Variants in MAPK14 observed in about 807,000 individuals in gnomAD.
MAPK14 encodes mitogen-activated protein kinase 14.
A neutral mutation model predicts 49.6 loss-of-function variants in MAPK14; 16 were observed. That is an observed-to-expected ratio of 0.32 (90% CI 0.22 to 0.49). MAPK14 has a LOEUF of 0.49. Among genes scored for constraint, MAPK14 ranks in the 20% least tolerant of loss-of-function variants. The probability of loss-of-function intolerance (pLI) is 0.99; values close to 1 mark genes in which losing one functional copy is unlikely to be tolerated. For missense variants in MAPK14, 200 were observed against 441.2 expected, an observed-to-expected ratio of 0.45 and a Z score of 4.90; for synonymous variants, 142 against 158.0, an observed-to-expected ratio of 0.90 and a Z score of 0.76.
At chr6:36,080,216 C>T (rs1462974911) in intron 8 of MAPK14, among the ~76,000 whole-genome samples, 4 of 152,130 alleles carry the variant, frequency 2.6e-5, no homozygotes, top group Admixed American at 6.5e-5. Context: ...AGATTACAGG[C>T]GCGAGCCACT....
In MAPK14 at chr6:36,107,798, C is replaced by T. The variant is rs924154650; in HGVS notation, c.1015+170C>T. ...TTGTAGACAGTGATACTCTCTGGAC[C>T]TTTGAGATACTTATGTCTGGTCTGA... On this transcript the variant is annotated intron_variant, in intron 11 of 11. Coordinates refer to ENST00000229794, the MANE Select transcript of MAPK14 (RefSeq NM_139012.3). The surrounding 1 kb of genome is among the most constrained non-coding windows in gnomAD (Gnocchi z 4.3). Among the ~76,000 whole-genome samples the T allele has an allele frequency of 2.6e-5, 4 of 152,202 alleles. No homozygotes were observed. Among genetic ancestry groups the T allele is most frequent in the Non-Finnish European group, 5.9e-5 (4 of 68,042 alleles).
At chr6:36,099,647 C>T (rs1765564664) in intron 9 of MAPK14, among the ~76,000 whole-genome samples, 1 of 152,164 alleles carries the variant, frequency 6.6e-6, no homozygotes, top group Non-Finnish European at 1.5e-5. Context: ...TTTAAATGTA[C>T]CACTAACTAA....
intron 4 of MAPK14, 143 bp from the exon 5 acceptor site, chr6:36,073,548 A>G (rs960884277): frequency 1.2e-5 from 8 of 655,186 alleles, no homozygotes; most frequent in Admixed American, 2.9e-5. Flanking sequence ...AATGTACACA[A>G]TACTGATAGT....
intron 1 of MAPK14, among the ~76,000 whole-genome samples, chr6:36,047,756 A>G: frequency 7.1e-6 from 1 of 140,288 alleles, no homozygotes; most frequent in Non-Finnish European, 1.5e-5. Flanking sequence ...TTTTTTTGAG[A>G]TGAAGTTTTG....
chr6:36,045,727 T>A (rs377343393), intron 1 of MAPK14, among the ~76,000 whole-genome samples: 270 of 144,334 alleles, frequency 1.9e-3, no homozygotes, highest in African/African-American at 6.7e-3. Context: ...GAGAATGGCG[T>A]GAACCCGGGA....
chr6:36,103,482 G>T (rs1278732435), intron 10 of MAPK14, among the ~76,000 whole-genome samples: 2 of 152,088 alleles, frequency 1.3e-5, no homozygotes, highest in Non-Finnish European at 2.9e-5. Flanking sequence ...TAGGACTACA[G>T]GCATGCATCC....
At chr6:36,093,995 G>T (rs1485337758) in intron 8 of MAPK14, among the ~76,000 whole-genome samples, 2 of 152,132 alleles carry the variant, frequency 1.3e-5, no homozygotes, top group Non-Finnish European at 2.9e-5. Flanking sequence ...AGATGAGCAA[G>T]AATTTTTTTT....
At position 36,072,923 on chromosome 6, in the gene MAPK14, G is replaced by A. The variant is rs373974101; in HGVS notation, c.356G>A (p.Cys119Tyr). 1.2e-6 allele frequency: 2 copies of A among 1,613,530 alleles called. No homozygotes were observed. The highest frequency in any genetic ancestry group is 2.7e-5 in the African/African-American group (2 of 74,900). Residue 119 changes from cysteine (C) to tyrosine (Y), a missense_variant, in exon 4 of 12, where the codon TGT becomes TAT. By Grantham distance (194) the Cys-to-Tyr change is radical. Around this residue, in one of 2 missense-constraint regions of MAPK14, gnomAD observed 170 missense variants for 407.0 expected, o/e 0.42. Transcript: ENST00000229794. Reference protein sequence around the residue: ...MGADLNNIVKCQKLTDDHVQF... With the variant: ...MGADLNNIVKYQKLTDDHVQF... ...GCAGATCTGAACAACATTGTGAAAT[G>A]TCAGAAGCTTACAGATGACCATGTT... is the stretch of plus-strand genomic sequence containing the variant.
chr6:36,038,546 T>C (rs1027294000), intron 1 of MAPK14, among the ~76,000 whole-genome samples: 7 of 152,204 alleles, frequency 4.6e-5, no homozygotes, highest in Non-Finnish European at 7.3e-5. Flanking sequence ...TACTGTGCTC[T>C]AGGGTCCCAA....
At chr6:36,079,472 A>G (rs998203450) in intron 8 of MAPK14, among the ~76,000 whole-genome samples, 1 of 152,094 alleles carries the variant, frequency 6.6e-6, no homozygotes, top group Non-Finnish European at 1.5e-5. Flanking sequence ...CACATAAAAT[A>G]CACTAATGAT....
intron 1 of MAPK14, among the ~76,000 whole-genome samples, chr6:36,047,931 A>G (rs1377479223): frequency 6.6e-6 from 1 of 151,924 alleles, no homozygotes; most frequent in Non-Finnish European, 1.5e-5. Context: ...TTTAGTAGAG[A>G]TGGGGTTTCA....
chr6:36,047,154 C>T (rs1763210727), intron 1 of MAPK14, among the ~76,000 whole-genome samples: 1 of 152,138 alleles, frequency 6.6e-6, no homozygotes, highest in Admixed American at 6.6e-5. Flanking sequence ...AGAAGAGAAC[C>T]ACCACCCTCT....
chr6:36,098,528 C>T (rs1765525833), intron 9 of MAPK14, among the ~76,000 whole-genome samples: 1 of 152,052 alleles, frequency 6.6e-6, no homozygotes, highest in South Asian at 2.1e-4. Context: ...CAGAGCAAGA[C>T]CTTGTCTTTA....
chr6:36,078,353 A>G (rs1415479092), intron 8 of MAPK14, among the ~76,000 whole-genome samples: 1 of 152,080 alleles, frequency 6.6e-6, no homozygotes, highest in Non-Finnish European at 1.5e-5. Context: ...TTACCCCTTC[A>G]CCTTCTCACT....
chr6:36,050,619 A>G (rs2127414975), intron 1 of MAPK14, among the ~76,000 whole-genome samples: 1 of 152,308 alleles, frequency 6.6e-6, no homozygotes, highest in East Asian at 1.9e-4. Context: ...TTTTCAATGA[A>G]TGATGGAAAA....
chr6:36,119,176 A>G, the MAPK14 span, among the ~76,000 whole-genome samples: 1 of 152,252 alleles, frequency 6.6e-6, no homozygotes, highest in Admixed American at 6.5e-5. Context: ...GTGTCAATAA[A>G]TGGCATTGAA....
At chr6:36,113,343 TAAAAAAAAAAAA>T (rs35876911), downstream of MAPK14, among the ~76,000 whole-genome samples, 11 of 71,742 alleles carry the variant, frequency 1.5e-4, no homozygotes, top group African/African-American at 4.0e-4. Context: ...CCCTGTCTCA[TAAAAAAAAAAAA>T]AAAAAAAAAA....
At position 36,027,836 on chromosome 6, in the gene MAPK14, G is replaced by T. The variant is rs1042838670; in HGVS notation, c.-322G>T. The T allele has an allele frequency of 6.0e-5, 24 of 401,236 alleles. No individual in the cohort carries two copies. Among genetic ancestry groups the T allele is most frequent in the African/African-American group, 4.7e-4 (23 of 48,656 alleles). The allele number at this position is 401,236 out of a possible 1,614,324, so 24.9% of individuals were successfully genotyped here. A position where few individuals can be genotyped will look rare whatever the true frequency, so the allele number is the denominator to read the frequency against. On this transcript the variant is annotated 5_prime_UTR_variant, in exon 1 of 12. Transcript: ENST00000229794. ...GGAGCCTTAGCGGGCGCAGCAGCTG[G>T]AACGGGAGTACTGCGACGCAGCCCG...
intron 8 of MAPK14, chr6:36,092,698 T>C (rs745918617): frequency 4.8e-5 from 15 of 312,142 alleles, no homozygotes; most frequent in Non-Finnish European, 9.4e-5. Context: ...ACCTCCAAAG[T>C]GTAGGGGTGA....
Sources: allele counts gnomAD v4.1 joint callset (sites outside exome capture counted in the v4.1 genomes callset), GRCh38; gene constraint gnomAD v4.1.1; regional missense constraint gnomAD v4.1.1; non-coding constraint Gnocchi (gnomAD v3.1); transcripts MANE v1.5; gene names NCBI Gene and HGNC (gene_info 2026-07-23, HGNC 2026-07-21).